Variants in PIK3C2G observed in about 807,000 individuals in gnomAD.
The protein encoded by PIK3C2G is phosphatidylinositol-4-phosphate 3-kinase catalytic subunit type 2 gamma.
Under a neutral mutation model 181.1 loss-of-function variants are expected in PIK3C2G, and 168 were observed. The observed-to-expected ratio is 0.93, with a 90% CI of 0.82 to 1.05. The LOEUF (loss-of-function observed/expected upper bound fraction) is 1.05. PIK3C2G is among the 50% of genes least tolerant of loss of function. The probability of loss-of-function intolerance (pLI) is 0.00; values close to 1 mark genes in which losing one functional copy is unlikely to be tolerated. For missense variants in PIK3C2G, 1,869 were observed against 1,732.8 expected (o/e 1.08, Z -1.40); for synonymous variants, 573 against 592.2 (o/e 0.97, Z 0.47).
chr12:18,570,850 C>A (rs114167595), intron 29 of PIK3C2G, among the ~76,000 whole-genome samples: 1 of 150,638 alleles, frequency 6.6e-6, no homozygotes, highest in Admixed American at 6.6e-5. Context: ...CATCAAGGAG[C>A]TCGAAGGCAG....
chr12:18,475,591 A>C (rs561157592), intron 18 of PIK3C2G, among the ~76,000 whole-genome samples: 1 of 152,240 alleles, frequency 6.6e-6, no homozygotes, highest in African/African-American at 2.4e-5. Flanking sequence ...TTTAAACAGT[A>C]ACAATTCCAC....
intron 2 of PIK3C2G, chr12:18,285,252 T>G (rs1949393664): frequency 1.3e-5 from 2 of 152,092 alleles, no homozygotes; most frequent in Non-Finnish European, 2.9e-5. Flanking sequence ...AAAACATACT[T>G]CTATATCCAC....
chr12:18,378,471 T>C (rs1942608204), intron 13 of PIK3C2G, among the ~76,000 whole-genome samples: 1 of 152,146 alleles, frequency 6.6e-6, no homozygotes, highest in African/African-American at 2.4e-5. Flanking sequence ...GGACTTCATG[T>C]CTAAAACACC....
At chr12:18,506,354 TA>T (rs1403677143) in intron 24 of PIK3C2G, among the ~76,000 whole-genome samples, 1 of 152,196 alleles carries the variant, frequency 6.6e-6, no homozygotes, top group Non-Finnish European at 1.5e-5. Flanking sequence ...TTTTATTTTT[TA>T]AGTTCAGGAG....
the PIK3C2G span, among the ~76,000 whole-genome samples, chr12:18,660,236 T>G: frequency 6.6e-6 from 1 of 152,172 alleles, no homozygotes; most frequent in Non-Finnish European, 1.5e-5. Flanking sequence ...TGCGTATTTC[T>G]GGATCAGCTT....
At chr12:18,282,961 T>C (rs1565552532) in intron 2 of PIK3C2G, among the ~76,000 whole-genome samples, 3 of 151,898 alleles carry the variant, frequency 2.0e-5, no homozygotes, top group Admixed American at 6.6e-5. Flanking sequence ...AAAAAAATCA[T>C]CTATAAAGTT....
chr12:18,615,724 A>T lies in PIK3C2G; in HGVS notation c.4182+6095A>T, dbSNP rs564451755. Reference sequence around the variant, plus strand: ...TTACTTTTATTATTCTCAAAATCCTATTCAACAGTCTCCATTGATTCATCT... The same window carrying T: ...TTACTTTTATTATTCTCAAAATCCTTTTCAACAGTCTCCATTGATTCATCT... On this transcript the variant is annotated intron_variant, in intron 31 of 32. Coordinates refer to ENST00000538779, the MANE Select transcript of PIK3C2G (RefSeq NM_001288772.2). 2.6e-5 allele frequency among the ~76,000 whole-genome samples: 4 copies of T among 152,072 alleles called. No individual in the cohort carries two copies. In the South Asian group the frequency reaches 8.3e-4, roughly 32 times the overall value.
intron 18 of PIK3C2G, among the ~76,000 whole-genome samples, chr12:18,482,898 G>A (rs1321226659): frequency 6.6e-6 from 1 of 152,150 alleles, no homozygotes; most frequent in Non-Finnish European, 1.5e-5. Flanking sequence ...AATGCACATA[G>A]CCATTTTATC....
chr12:18,299,861 C>T (rs187737557), intron 5 of PIK3C2G, among the ~76,000 whole-genome samples: 4 of 152,032 alleles, frequency 2.6e-5, no homozygotes, highest in Non-Finnish European at 5.9e-5. Flanking sequence ...GTTGGACCAT[C>T]TTTGCATCCC....
At chr12:18,372,407 G>T (rs1197871107) in intron 13 of PIK3C2G, 2 of 152,132 alleles carry the variant, frequency 1.3e-5, no homozygotes, top group African/African-American at 2.4e-5. Flanking sequence ...TCCCTATATA[G>T]GAGATAAAGA....
chr12:18,705,314 G>A, the PIK3C2G span: 2 of 1,614,040 alleles, frequency 1.2e-6, no homozygotes, highest in South Asian at 1.1e-5. Flanking sequence ...GTAGTCAGAT[G>A]TCTAAAAAAG....
chr12:18,560,096 G>T (rs531454127), intron 26 of PIK3C2G, among the ~76,000 whole-genome samples: 232 of 151,624 alleles, frequency 1.5e-3, no homozygotes, highest in Middle Eastern at 0.01. Context: ...CTCCCAAAGT[G>T]CTGGGATTAC....
intron 24 of PIK3C2G, among the ~76,000 whole-genome samples, chr12:18,531,285 TA>T (rs1187273481): frequency 7.2e-5 from 11 of 152,146 alleles, no homozygotes; most frequent in South Asian, 4.1e-4. Flanking sequence ...TAACTCACAA[TA>T]AAAAAATATA....
intron 24 of PIK3C2G, among the ~76,000 whole-genome samples, chr12:18,513,766 G>A (rs973571250): frequency 1.3e-5 from 2 of 151,348 alleles, no homozygotes; most frequent in African/African-American, 4.8e-5. Context: ...TCTAGTAAAC[G>A]GTTTGTATTT....
At chr12:18,524,732 A>AT (rs1194360357) in intron 24 of PIK3C2G, among the ~76,000 whole-genome samples, 1 of 151,348 alleles carries the variant, frequency 6.6e-6, no homozygotes, top group Non-Finnish European at 1.5e-5. Flanking sequence ...CGCCTGGCTA[A>AT]TTTTTTTGTA....
the PIK3C2G span, among the ~76,000 whole-genome samples, chr12:18,706,696 T>G: frequency 1.3e-5 from 2 of 152,338 alleles, no homozygotes; most frequent in African/African-American, 2.4e-5. Flanking sequence ...TTTACCAATT[T>G]GTAAACAAGC....
chr12:18,313,825 C>CAT (rs1379707387), intron 5 of PIK3C2G, 137 bp from the exon 6 acceptor site: 1 of 559,498 alleles, frequency 1.8e-6, no homozygotes, highest in African/African-American at 1.9e-5. Context: ...CACACACACA[C>CAT]ACACGCACAC....
chr12:18,421,859 A>G (rs1265857982), intron 17 of PIK3C2G, among the ~76,000 whole-genome samples: 1 of 151,964 alleles, frequency 6.6e-6, no homozygotes, highest in Non-Finnish European at 1.5e-5. Flanking sequence ...AGGAGCCTAT[A>G]TTAATAAACT....
intron 8 of PIK3C2G, among the ~76,000 whole-genome samples, chr12:18,330,571 T>G (rs1937829322): frequency 6.6e-6 from 1 of 152,182 alleles, no homozygotes; most frequent in South Asian, 2.1e-4. Context: ...CATGGAATTA[T>G]TGCTCATTTA....
Sources: allele counts gnomAD v4.1 joint callset (sites outside exome capture counted in the v4.1 genomes callset), GRCh38; gene constraint gnomAD v4.1.1; transcripts MANE v1.5; gene names NCBI Gene and HGNC (gene_info 2026-07-23, HGNC 2026-07-21).